Variants in DNAAF1 observed in about 807,000 individuals in gnomAD.
DNAAF1 encodes the protein dynein assembly factor 1, axonemal.
In DNAAF1, 65 loss-of-function variants were observed where a neutral mutation model predicts 71.1. The ratio of observed to expected loss-of-function variants is 0.91; its 90% CI spans 0.75 to 1.12. DNAAF1 has a LOEUF of 1.12. DNAAF1 is among the 50% of genes most tolerant of loss of function. The probability of loss-of-function intolerance (pLI) is 0.00; values close to 1 mark genes in which losing one functional copy is unlikely to be tolerated. For missense variants in DNAAF1, 1,178 were observed against 899.8 expected, an observed-to-expected ratio of 1.31 and a Z score of -3.96; for synonymous variants, 414 against 354.6, an observed-to-expected ratio of 1.17 and a Z score of -1.88.
At chr16:84,165,148 C>A (rs1361843347) in intron 6 of DNAAF1, among the ~76,000 whole-genome samples, 1 of 152,124 alleles carries the variant, frequency 6.6e-6, no homozygotes, top group Admixed American at 6.5e-5. Flanking sequence ...TGTTTTGGAT[C>A]CAAGCCCTTT....
intron 5 of DNAAF1, among the ~76,000 whole-genome samples, chr16:84,156,595 G>T (rs954576632): frequency 2.0e-5 from 3 of 152,120 alleles, no homozygotes; most frequent in Admixed American, 6.6e-5. Context: ...CCTTCTCCCA[G>T]TTATTTTAGC....
chr16:84,163,874 GT>G (rs1377752793), intron 6 of DNAAF1, among the ~76,000 whole-genome samples: 2 of 115,314 alleles, frequency 1.7e-5, no homozygotes, highest in Non-Finnish European at 3.6e-5. Flanking sequence ...TTTTTTTTTT[GT>G]GGGGGACAGC....
At chr16:84,170,450 T>G in intron 8 of DNAAF1, 94 bp downstream of exon 8, 1 of 1,577,870 alleles carries the variant, frequency 6.3e-7, no homozygotes, top group Non-Finnish European at 8.6e-7. Context: ...GGCCTGAGTT[T>G]CACTTCTTCT....
At chr16:84,166,072 G>GTCT in intron 7 of DNAAF1, 123 bp downstream of exon 7, 2 of 1,291,616 alleles carry the variant, frequency 1.5e-6, no homozygotes, top group Non-Finnish European at 2.1e-6. Flanking sequence ...TTTAGACAGA[G>GTCT]TCTTGCTCTG....
chr16:84,149,352 G>A (rs1470321347), intron 2 of DNAAF1, among the ~76,000 whole-genome samples: 1 of 152,158 alleles, frequency 6.6e-6, no homozygotes, highest in African/African-American at 2.4e-5. Flanking sequence ...AGGAACAGCA[G>A]TAGTTCCTCA....
chr16:84,162,482 G>A (rs985543158), intron 6 of DNAAF1, among the ~76,000 whole-genome samples: 1 of 151,592 alleles, frequency 6.6e-6, no homozygotes. Context: ...ACAGAGTTGT[G>A]CAACCATCAC....
chr16:84,174,902 C>T, intron 10 of DNAAF1, 180 bp downstream of exon 10: 1 of 764,498 alleles, frequency 1.3e-6, no homozygotes. Context: ...GTCACCCAGG[C>T]TGCAGTGCAA....
At chr16:84,151,969 C>T (rs1415096189) in intron 3 of DNAAF1, among the ~76,000 whole-genome samples, 1 of 152,218 alleles carries the variant, frequency 6.6e-6, no homozygotes, top group Non-Finnish European at 1.5e-5. Context: ...TGTCTGGATC[C>T]ACTCCTGTCT....
chr16:84,157,056 T>C lies in DNAAF1; in HGVS notation c.741+1307T>C, dbSNP rs151255914. ...TTTGTAGAGATGGGTTTTGCCATATTGCTCAGGCTGGTTATTTATCAATTT... is the reference window on the plus strand; with the variant it reads ...TTTGTAGAGATGGGTTTTGCCATATCGCTCAGGCTGGTTATTTATCAATTT... On this transcript the variant is annotated intron_variant, in intron 5 of 11. Coordinates refer to ENST00000378553, the MANE Select transcript of DNAAF1 (RefSeq NM_178452.6). 2.6e-3 allele frequency among the ~76,000 whole-genome samples: 389 copies of C among 152,200 alleles called. 4 individuals are homozygous for C. The highest frequency in any genetic ancestry group is 8.7e-3 in the African/African-American group (361 of 41,526).
chr16:84,158,283 G>A (rs1178025652), intron 5 of DNAAF1, among the ~76,000 whole-genome samples: 1 of 152,152 alleles, frequency 6.6e-6, no homozygotes, highest in Non-Finnish European at 1.5e-5. Flanking sequence ...GCAAGGTGTG[G>A]GCAGGGCTGG....
At chr16:84,158,552 C>T (rs1330263956) in intron 5 of DNAAF1, among the ~76,000 whole-genome samples, 6 of 152,178 alleles carry the variant, frequency 3.9e-5, no homozygotes, top group African/African-American at 1.4e-4. Flanking sequence ...GGACACAATT[C>T]AGCCCAGAAC....
chr16:84,174,699 A>C lies in DNAAF1; in HGVS notation c.1675A>C (p.Thr559Pro), dbSNP rs747117537. 6.2e-7 allele frequency: 1 copy of C among 1,614,180 alleles called. No homozygotes were observed. The highest frequency in any genetic ancestry group is 1.7e-5 in the Admixed American group (1 of 60,024). Reference sequence around the variant, plus strand: ...ACCTGACTTGGAAGATGATGATGAAACAGGCAAATCTCTGGAAGACCAGGT... The same window carrying C: ...ACCTGACTTGGAAGATGATGATGAACCAGGCAAATCTCTGGAAGACCAGGT... ...DLPDLEDDDE[T>P]GKSLEDQNMC... is the part of the protein sequence containing the mutation. Residue 559 changes from threonine (T) to proline (P), a missense_variant, in exon 10 of 12, where the codon ACA becomes CCA. Transcript: ENST00000378553.
At chr16:84,159,934 A>G in intron 6 of DNAAF1, 138 bp downstream of exon 6, 1 of 905,214 alleles carries the variant, frequency 1.1e-6, no homozygotes. Flanking sequence ...TGATGGCTAC[A>G]TAATTGACTA....
chr16:84,148,476 T>C (rs1347499336), intron 1 of DNAAF1, among the ~76,000 whole-genome samples: 1 of 152,116 alleles, frequency 6.6e-6, no homozygotes, highest in Non-Finnish European at 1.5e-5. Flanking sequence ...TGTCCATGTT[T>C]TCTTGTGCAC....
chr16:84,163,377 CTT>C (rs1025309160), intron 6 of DNAAF1, among the ~76,000 whole-genome samples: 3 of 131,770 alleles, frequency 2.3e-5, no homozygotes, highest in Non-Finnish European at 3.3e-5. Flanking sequence ...CTCTCTCTCT[CTT>C]TTTCTTTTTT....
intron 6 of DNAAF1, among the ~76,000 whole-genome samples, chr16:84,164,560 G>T (rs965023027): frequency 1.3e-5 from 2 of 152,190 alleles, no homozygotes; most frequent in African/African-American, 4.8e-5. Flanking sequence ...TAGCAAGGAA[G>T]TTAGGCTTCT....
chr16:84,175,790 C>T (rs546886903), intron 10 of DNAAF1, 143 bp from the exon 11 acceptor site: 47 of 1,068,956 alleles, frequency 4.4e-5, no homozygotes, highest in Non-Finnish European at 8.4e-6. Flanking sequence ...CTTTCAGAGT[C>T]CTGTGTTCCC....
chr16:84,153,915 G>A (rs1389676054), intron 3 of DNAAF1, among the ~76,000 whole-genome samples: 1 of 152,078 alleles, frequency 6.6e-6, no homozygotes, highest in Non-Finnish European at 1.5e-5. Flanking sequence ...ACCCTCCCAG[G>A]TGGGTAATTC....
chr16:84,153,733 A>G (rs1231936541), intron 3 of DNAAF1, among the ~76,000 whole-genome samples: 1 of 152,232 alleles, frequency 6.6e-6, no homozygotes, highest in African/African-American at 2.4e-5. Context: ...AGGAAACTAA[A>G]AGATTTGTTT....
Sources: allele counts gnomAD v4.1 joint callset (sites outside exome capture counted in the v4.1 genomes callset), GRCh38; gene constraint gnomAD v4.1.1; transcripts MANE v1.5; gene names NCBI Gene and HGNC (gene_info 2026-07-23, HGNC 2026-07-21).